Variants in ACO2 observed in about 807,000 individuals in gnomAD.
The protein encoded by ACO2 is aconitate hydratase, mitochondrial.
Under a neutral mutation model 84.5 loss-of-function variants are expected in ACO2, and 31 were observed. The ratio of observed to expected loss-of-function variants is 0.37; its 90% CI spans 0.28 to 0.50. The LOEUF (loss-of-function observed/expected upper bound fraction) is 0.50. Among genes scored for constraint, ACO2 ranks in the 20% least tolerant of loss-of-function variants. The pLI is 0.97. For missense variants in ACO2, 685 were observed against 1,029.3 expected, an observed-to-expected ratio of 0.67 and a Z score of 4.58; for synonymous variants, 414 against 412.7, an observed-to-expected ratio of 1.00 and a Z score of -0.04.
rs2043496644 is a variant in ACO2 at position 41,517,600 on chromosome 22, G to A, written c.909G>A (p.Met303Ile). The A allele has an allele frequency of 6.2e-7, 1 of 1,613,992 alleles. No individual in the cohort carries two copies. The highest frequency in any genetic ancestry group is 1.1e-5 in the South Asian group (1 of 91,084). The change falls in exon 7 of 18, where the codon ATG becomes ATA. Residue 303 changes from methionine (M) to isoleucine (I), a missense_variant. Coordinates refer to ENST00000216254, the MANE Select transcript of ACO2 (RefSeq NM_001098.3). The part of the protein sequence containing the change: ...TTSVFPYNHR[M>I]KKYLSKTGRE... Reference sequence around the variant, plus strand: ...CCGTGTTCCCTTACAACCACAGGATGAAGAAGTACCTGAGCAAGACCGGCC... The same window carrying A: ...CCGTGTTCCCTTACAACCACAGGATAAAGAAGTACCTGAGCAAGACCGGCC...
chr22:41,507,928 A>G lies in ACO2; in HGVS notation c.311A>G (p.Gln104Arg). ...DRVAMQDATAQMAMLQFISSG... is the reference protein window; with the variant it reads ...DRVAMQDATARMAMLQFISSG... ...GTGGCCATGCAGGATGCGACGGCCC[A>G]GATGGCCATGCTCCAGTTCATCAGC... Residue 104 changes from glutamine to arginine, a missense_variant, in exon 3 of 18, where the codon CAG becomes CGG. Gln to Arg is a conservative substitution (Grantham distance 43). Around this residue, in one of 5 missense-constraint regions of ACO2, gnomAD observed 92 missense variants for 203.7 expected, o/e 0.45. Coordinates refer to ENST00000216254, the MANE Select transcript of ACO2 (RefSeq NM_001098.3). The G allele has an allele frequency of 6.2e-7, 1 of 1,614,242 alleles. No individual in the cohort carries two copies. The highest frequency in any genetic ancestry group is 8.5e-7 in the Non-Finnish European group (1 of 1,180,042).
At chr22:41,513,481 C>G (rs759807255) in intron 4 of ACO2, among the ~76,000 whole-genome samples, 30 of 152,234 alleles carry the variant, frequency 2.0e-4, no homozygotes, top group African/African-American at 7.2e-4. Flanking sequence ...GGGAAGTGCC[C>G]TGGCCCCACT....
chr22:41,513,045 C>T (rs2146121627), intron 4 of ACO2, among the ~76,000 whole-genome samples: 1 of 152,326 alleles, frequency 6.6e-6, no homozygotes, highest in East Asian at 1.9e-4. Context: ...CAGGGGATCA[C>T]TCCTCTGCCC....
In ACO2 at chr22:41,498,903, G is replaced by C. The variant is rs1050952614; in HGVS notation, c.37-823G>C. Among the ~76,000 whole-genome samples the C allele has an allele frequency of 6.6e-5, 10 of 152,216 alleles. No individual in the cohort carries two copies. In the South Asian group the frequency reaches 2.1e-3, roughly 32 times the overall value. On this transcript the variant is annotated intron_variant, in intron 1 of 17. Coordinates refer to ENST00000216254, the MANE Select transcript of ACO2 (RefSeq NM_001098.3). Reference sequence around the variant, plus strand: ...GAGGTCAGGAGTTTGAGACCAGCCTGGCCAACGTGGTGAAACCCCGTCTCT... The same window carrying C: ...GAGGTCAGGAGTTTGAGACCAGCCTCGCCAACGTGGTGAAACCCCGTCTCT...
intron 4 of ACO2, among the ~76,000 whole-genome samples, chr22:41,514,885 T>G (rs1023380727): frequency 6.6e-6 from 1 of 152,214 alleles, no homozygotes; most frequent in Non-Finnish European, 1.5e-5. Flanking sequence ...GAAAAGTTCA[T>G]AGCTTTGTGT....
At chr22:41,512,697 C>T (rs926715292) in intron 4 of ACO2, among the ~76,000 whole-genome samples, 6 of 152,168 alleles carry the variant, frequency 3.9e-5, no homozygotes, top group South Asian at 2.1e-4. Flanking sequence ...CCATGTCAGC[C>T]GGGGGCTCCT....
intron 1 of ACO2, among the ~76,000 whole-genome samples, chr22:41,492,363 G>A (rs766674273): frequency 1.3e-5 from 2 of 152,302 alleles, no homozygotes; most frequent in South Asian, 2.1e-4. Flanking sequence ...TAGGCCGGGC[G>A]TAGTGGCTCA....
chr22:41,475,245 T>C (rs954569042), intron 1 of ACO2, among the ~76,000 whole-genome samples: 2 of 146,546 alleles, frequency 1.4e-5, no homozygotes, highest in Admixed American at 7.0e-5. Flanking sequence ...TAATTATAGC[T>C]CACTGCAGCC....
At chr22:41,508,717 C>G (rs1279343642) in intron 3 of ACO2, among the ~76,000 whole-genome samples, 2 of 152,232 alleles carry the variant, frequency 1.3e-5, no homozygotes, top group Non-Finnish European at 1.5e-5. Context: ...CTCCTTCTCC[C>G]AGGCTCGGCT....
chr22:41,489,263 C>G (rs993587981), intron 1 of ACO2, among the ~76,000 whole-genome samples: 3 of 152,152 alleles, frequency 2.0e-5, no homozygotes, highest in Non-Finnish European at 4.4e-5. Flanking sequence ...AGGCTGGTCT[C>G]AAACTCCTGG....
At chr22:41,527,555 C>G (rs1352560615) in intron 16 of ACO2, 135 bp downstream of exon 16, 1 of 1,246,270 alleles carries the variant, frequency 8.0e-7, no homozygotes. Context: ...GCCTCTTGCC[C>G]CTTCTTAGGC....
At chr22:41,516,253 A>T (rs1053762801) in intron 6 of ACO2, 1 of 571,330 alleles carries the variant, frequency 1.8e-6, no homozygotes, top group Admixed American at 3.0e-5. Flanking sequence ...GAATCCAGAG[A>T]GGACAGAGGC....
Position 41,499,742 on chromosome 22 carries a change from G to A in ACO2, c.53G>A (p.Arg18Gln), listed in dbSNP as rs200327053. The A allele has an allele frequency of 1.6e-5, 25 of 1,612,844 alleles. No individual in the cohort carries two copies. The highest frequency in any genetic ancestry group is 1.4e-4 in the South Asian group (13 of 91,050). ...VTRLQKALGV[R>Q]QYHVASVLCQ... is the part of the protein sequence containing the mutation. ...TTCTTGCAGAAAGCTCTGGGTGTGC[G>A]GCAGTACCATGTGGCCTCAGTCCTG... Residue 18 changes from arginine (R) to glutamine (Q), a missense_variant, in exon 2 of 18, where the codon CGG becomes CAG. Around this residue, in one of 5 missense-constraint regions of ACO2, gnomAD observed 98 missense variants for 107.6 expected, o/e 0.91. Coordinates refer to ENST00000216254, the MANE Select transcript of ACO2 (RefSeq NM_001098.3).
rs185223224 is a variant in ACO2, at chr22:41,502,718, C to T, written c.173+2856C>T. Among the ~76,000 whole-genome samples, 559 of 152,270 alleles carry T rather than the reference C, an allele frequency of 3.7e-3. 3 individuals are homozygous for T. The highest frequency in any genetic ancestry group is 6.0e-3 in the Non-Finnish European group (411 of 68,010). ...CCACCTCCCAGGCTCAAGCGATTGT[C>T]CTGCCTCAGCCTCCTGAGTAGCTGG... is the stretch of plus-strand genomic sequence containing the variant. On this transcript the variant is annotated intron_variant, in intron 2 of 17. Coordinates refer to ENST00000216254, the MANE Select transcript of ACO2 (RefSeq NM_001098.3).
chr22:41,523,120 C>A, intron 10 of ACO2, 85 bp from the exon 11 acceptor site: 1 of 1,534,792 alleles, frequency 6.5e-7, no homozygotes, highest in Non-Finnish European at 8.9e-7. Flanking sequence ...TCCAGTACAG[C>A]ACTTCGTCCT....
intron 14 of ACO2, chr22:41,525,988 G>A: frequency 1.0e-5 from 4 of 382,852 alleles, no homozygotes; most frequent in South Asian, 5.5e-5. Context: ...AAGGGTGAGC[G>A]AACATTGACC....
intron 1 of ACO2, among the ~76,000 whole-genome samples, chr22:41,486,030 G>A (rs1309005936): frequency 2.6e-5 from 4 of 152,150 alleles, no homozygotes; most frequent in African/African-American, 9.7e-5. Context: ...CTGCTCAGGC[G>A]CTGCTCTCTC....
rs138773556 is a variant in ACO2, at chr22:41,487,050, A to G, written c.37-12676A>G. 3.4e-3 allele frequency among the ~76,000 whole-genome samples: 518 copies of G among 151,638 alleles called. 6 individuals carry two copies. The highest frequency in any genetic ancestry group is 0.01 in the African/African-American group (422 of 41,348). ...AGGCGCCCACCACTACGTCCGGCTA[A>G]TTTTTGTATTTTTGATAGAGACAGG... On this transcript the variant is annotated intron_variant, in intron 1 of 17. Coordinates refer to ENST00000216254, the MANE Select transcript of ACO2 (RefSeq NM_001098.3).
Position 41,515,265 on chromosome 22 carries a change from TC to T in ACO2, c.526-110del. ...ATTAAATGGGGCTGCTCCTACCAGT[TC>T]CATCCTGGGAGAGTGGCTGGACGTG... On this transcript the variant is annotated intron_variant, in intron 4 of 17. Coordinates refer to ENST00000216254, the MANE Select transcript of ACO2 (RefSeq NM_001098.3). The surrounding 1 kb of genome is among the most constrained non-coding windows in gnomAD (Gnocchi z 5.8). 10 of 1,310,914 alleles carry T rather than the reference TC, an allele frequency of 7.6e-6. No individual in the cohort carries two copies. The South Asian group carries it at 1.2e-4, about 16-fold the overall frequency. 81.2% of individuals were successfully genotyped at this position (1,310,914 alleles called of 1,614,324 possible). A position where few individuals can be genotyped will look rare whatever the true frequency, so the allele number is the denominator to read the frequency against.
Sources: allele counts gnomAD v4.1 joint callset (sites outside exome capture counted in the v4.1 genomes callset), GRCh38; gene constraint gnomAD v4.1.1; regional missense constraint gnomAD v4.1.1; non-coding constraint Gnocchi (gnomAD v3.1); transcripts MANE v1.5; gene names NCBI Gene and HGNC (gene_info 2026-07-23, HGNC 2026-07-21).